Variants in PMFBP1 observed in about 807,000 individuals in gnomAD.
PMFBP1 encodes polyamine modulated factor 1 binding protein 1.
PMFBP1 carries 131 observed loss-of-function variants against 137.8 expected under a neutral mutation model. The ratio of observed to expected loss-of-function variants is 0.95; its 90% CI spans 0.82 to 1.10. The LOEUF (loss-of-function observed/expected upper bound fraction) is 1.10. Among genes scored for constraint, PMFBP1 ranks in the 50% least tolerant of loss-of-function variants. The pLI is 0.00. For synonymous variants in PMFBP1, 490 were observed against 450.4 expected (o/e 1.09, Z -1.11); for missense variants, 1,199 against 1,175.4 (o/e 1.02, Z -0.29).
the PMFBP1 span, among the ~76,000 whole-genome samples, chr16:72,228,808 T>C: frequency 5.5e-3 from 842 of 151,898 alleles, 13 homozygotes; most frequent in African/African-American, 0.018. Flanking sequence ...ATGAGTACAA[T>C]ATTTTTCTTG....
At chr16:72,236,976 C>A in the PMFBP1 span, among the ~76,000 whole-genome samples, 1 of 152,112 alleles carries the variant, frequency 6.6e-6, no homozygotes, top group East Asian at 1.9e-4. Flanking sequence ...CTAAAGAAGT[C>A]CCAAAGTCTT....
intron 3 of PMFBP1, among the ~76,000 whole-genome samples, chr16:72,164,063 T>C (rs1207584822): frequency 6.7e-6 from 1 of 148,460 alleles, no homozygotes; most frequent in Non-Finnish European, 1.5e-5. Flanking sequence ...ACAACAACAT[T>C]GGGTTAAAAA....
chr16:72,121,425 T>C (rs2042375675), intron 19 of PMFBP1, among the ~76,000 whole-genome samples: 1 of 152,190 alleles, frequency 6.6e-6, no homozygotes, highest in Non-Finnish European at 1.5e-5. Context: ...CTCAATTCAT[T>C]GGCCTCCTTA....
chr16:72,213,524 A>G, the PMFBP1 span, among the ~76,000 whole-genome samples: 62 of 152,304 alleles, frequency 4.1e-4, no homozygotes, highest in African/African-American at 1.5e-3. Flanking sequence ...CCTGCCAACA[A>G]TCACTGGAGT....
the PMFBP1 span, among the ~76,000 whole-genome samples, chr16:72,208,061 C>G: frequency 6.6e-6 from 1 of 152,218 alleles, no homozygotes; most frequent in African/African-American, 2.4e-5. Context: ...TGGCCTTCCA[C>G]TGATAGGGTG....
chr16:72,157,098 A>G (rs1358520151), intron 3 of PMFBP1, among the ~76,000 whole-genome samples: 1 of 150,778 alleles, frequency 6.6e-6, no homozygotes, highest in Non-Finnish European at 1.5e-5. Flanking sequence ...TTGAGGCAGG[A>G]AAATGGCGTG....
At chr16:72,227,869 AC>A in the PMFBP1 span, among the ~76,000 whole-genome samples, 1 of 152,240 alleles carries the variant, frequency 6.6e-6, no homozygotes, top group East Asian at 1.9e-4. Flanking sequence ...CACAATGAGC[AC>A]TTCATAAATG....
intron 7 of PMFBP1, among the ~76,000 whole-genome samples, 192 bp from the exon 8 acceptor site, chr16:72,137,011 T>A (rs1368459877): frequency 6.6e-6 from 1 of 152,190 alleles, no homozygotes; most frequent in African/African-American, 2.4e-5. Context: ...ACACAAATGT[T>A]CTGGAATTAG....
downstream of PMFBP1, among the ~76,000 whole-genome samples, chr16:72,118,092 A>G (rs1190284425): frequency 6.6e-6 from 1 of 152,230 alleles, no homozygotes; most frequent in Non-Finnish European, 1.5e-5. Flanking sequence ...ATTTTGGCCA[A>G]CGTATATGAA....
rs2042639598 is a variant in PMFBP1, at chr16:72,136,796, C to T, written c.942G>A (p.Gln314=). Residue 314 remains glutamine (Q), a synonymous_variant, in exon 8 of 21, where the codon CAG becomes CAA. Coordinates refer to ENST00000237353, the MANE Select transcript of PMFBP1 (RefSeq NM_031293.3). ...CCACATGCAGGCACTGGCTGTCTTT[C>T]TGCTCCTGCAAGTGCTTCAGTATCT... ...IKKILKHLQE[Q]KDSQCLHVEE... 1.2e-6 allele frequency: 2 copies of T among 1,614,102 alleles called. No homozygotes were observed. Among genetic ancestry groups the T allele is most frequent in the Admixed American group, 1.7e-5 (1 of 60,014 alleles).
the PMFBP1 span, among the ~76,000 whole-genome samples, chr16:72,185,336 T>C: frequency 2.0e-5 from 3 of 152,094 alleles, no homozygotes; most frequent in Admixed American, 2.0e-4. Context: ...GTGTCCTGTT[T>C]TCTGACCCTC....
At chr16:72,239,086 A>G in the PMFBP1 span, among the ~76,000 whole-genome samples, 1 of 152,226 alleles carries the variant, frequency 6.6e-6, no homozygotes, top group Non-Finnish European at 1.5e-5. Flanking sequence ...GTCTAGCCCC[A>G]AATGTTATTA....
At chr16:72,227,235 C>A in the PMFBP1 span, among the ~76,000 whole-genome samples, 1 of 152,132 alleles carries the variant, frequency 6.6e-6, no homozygotes, top group South Asian at 2.1e-4. Context: ...TGCTGATTCC[C>A]CTTACATTTT....
intron 10 of PMFBP1, 104 bp downstream of exon 10, chr16:72,132,644 G>A: frequency 3.2e-6 from 5 of 1,541,702 alleles, no homozygotes; most frequent in Non-Finnish European, 4.4e-6. Context: ...AGACACTGGA[G>A]GAGGGCGAGG....
intron 9 of PMFBP1, 150 bp from the exon 10 acceptor site, chr16:72,133,141 G>A: frequency 1.3e-6 from 1 of 790,856 alleles, no homozygotes; most frequent in Non-Finnish European, 2.0e-6. Flanking sequence ...GTTCCCCTCA[G>A]GCTATTCTCC....
rs373552286 is a variant in PMFBP1 at position 72,125,974 on chromosome 16, G to T, written c.2247C>A (p.Leu749=). 1.9e-6 allele frequency: 3 copies of T among 1,614,064 alleles called. No individual in the cohort carries two copies. The highest frequency in any genetic ancestry group is 1.7e-6 in the Non-Finnish European group (2 of 1,179,974). Residue 749 remains leucine (L), a synonymous_variant, in exon 15 of 21, where the codon CTC becomes CTA. Coordinates refer to ENST00000237353, the MANE Select transcript of PMFBP1 (RefSeq NM_031293.3). The part of the protein sequence containing the change: ...AACQDDLTQA[L]EKLNHVTSET... ...CTAGAGGGTGTGGCCTCACCTTCTCGAGGGCTTGTGTCAGGTCATCCTGGC... is the reference window on the plus strand; with the variant it reads ...CTAGAGGGTGTGGCCTCACCTTCTCTAGGGCTTGTGTCAGGTCATCCTGGC...
chr16:72,129,310 A>T, intron 12 of PMFBP1, 77 bp from the exon 13 acceptor site: 1 of 1,487,544 alleles, frequency 6.7e-7, no homozygotes, highest in South Asian at 1.3e-5. Flanking sequence ...ACAATTGCAC[A>T]CAGGGCATGG....
chr16:72,129,057 C>G lies in PMFBP1; in HGVS notation c.1950+9G>C. On this transcript the variant is annotated intron_variant, in intron 13 of 20. Coordinates refer to ENST00000237353, the MANE Select transcript of PMFBP1 (RefSeq NM_031293.3). Reference sequence around the variant, plus strand: ...CCTGACCCAGCTCTCCTGGGATTCTCCCACTCACCGTCTTGTCTTTCTTTT... The same window carrying G: ...CCTGACCCAGCTCTCCTGGGATTCTGCCACTCACCGTCTTGTCTTTCTTTT... 1 of 1,612,854 alleles carries G rather than the reference C, an allele frequency of 6.2e-7. No homozygotes were observed. The highest frequency in any genetic ancestry group is 8.5e-7 in the Non-Finnish European group (1 of 1,179,488).
At chr16:72,175,957 G>A (rs1471602389), upstream of PMFBP1, among the ~76,000 whole-genome samples, 1 of 152,230 alleles carries the variant, frequency 6.6e-6, no homozygotes, top group Non-Finnish European at 1.5e-5. Context: ...GGTGTGCAGA[G>A]GCTTGGCATG....
Sources: gnomAD v4.1 joint callset for allele counts (sites outside exome capture counted in the v4.1 genomes callset) on GRCh38, gnomAD v4.1.1 for gene constraint, MANE v1.5 for transcripts, NCBI Gene and HGNC (gene_info 2026-07-23, HGNC 2026-07-21) for gene names.